PTPRT: variants seen among roughly 807,000 people sequenced by gnomAD.
PTPRT encodes protein tyrosine phosphatase receptor type T.
In PTPRT, 56 loss-of-function variants were observed where a neutral mutation model predicts 176.8. The observed-to-expected ratio is 0.32, with a 90% CI of 0.26 to 0.40. The LOEUF is 0.40. Among genes scored for constraint, PTPRT ranks in the 10% least tolerant of loss-of-function variants. The pLI, the probability that PTPRT is intolerant of heterozygous loss-of-function variation, is 1.00. For synonymous variants in PTPRT, 783 were observed against 739.0 expected (o/e 1.06, Z -0.96); for missense variants, 1,540 against 1,908.2 (o/e 0.81, Z 3.60).
intron 14 of PTPRT, among the ~76,000 whole-genome samples, 184 bp from the exon 15 acceptor site, chr20:42,236,442 A>C (rs1415674718): frequency 6.6e-6 from 1 of 152,212 alleles, no homozygotes; most frequent in Non-Finnish European, 1.5e-5. Flanking sequence ...AGAATCAGAT[A>C]TTTCCAGTGG....
chr20:43,074,775 G>A (rs1365859283), intron 1 of PTPRT, among the ~76,000 whole-genome samples: 4 of 152,224 alleles, frequency 2.6e-5, no homozygotes, highest in South Asian at 4.2e-4. Context: ...TCATTTAATC[G>A]AGTAGCTAGA....
At chr20:43,049,319 C>A (rs1363240705) in intron 1 of PTPRT, among the ~76,000 whole-genome samples, 1 of 141,962 alleles carries the variant, frequency 7.0e-6, no homozygotes, top group Non-Finnish European at 1.5e-5. Context: ...CATAAAAGGC[C>A]ATGTAAAACA....
chr20:42,740,924 C>G (rs1478933666), intron 6 of PTPRT, among the ~76,000 whole-genome samples: 1 of 152,132 alleles, frequency 6.6e-6, no homozygotes, highest in Non-Finnish European at 1.5e-5. Flanking sequence ...GCTATAAACC[C>G]CTTCCAGTAC....
At chr20:42,044,179 C>T in the PTPRT span, among the ~76,000 whole-genome samples, 9 of 152,164 alleles carry the variant, frequency 5.9e-5, no homozygotes, top group Non-Finnish European at 1.0e-4. Flanking sequence ...GCTTAGCAGC[C>T]CAGATGAAGC....
At chr20:42,986,629 C>T (rs1983594162) in intron 1 of PTPRT, among the ~76,000 whole-genome samples, 1 of 152,106 alleles carries the variant, frequency 6.6e-6, no homozygotes, top group Non-Finnish European at 1.5e-5. Flanking sequence ...GTGACTGTGA[C>T]AAAGAAAGCG....
intron 9 of PTPRT, among the ~76,000 whole-genome samples, chr20:42,366,770 T>C (rs1195863138): frequency 9.3e-6 from 1 of 107,868 alleles, no homozygotes; most frequent in African/African-American, 3.1e-5. Context: ...ACACGGCACA[T>C]GTGAGGAAGC....
rs143087677 is a variant in PTPRT at position 42,261,794 on chromosome 20, T to C, written c.2177-12972A>G. 2.3e-3 allele frequency among the ~76,000 whole-genome samples: 353 copies of C among 152,258 alleles called. 2 individuals carry two copies. The highest frequency in any genetic ancestry group is 7.6e-3 in the African/African-American group (316 of 41,540). Reference sequence around the variant, plus strand: ...TTCTTTCCAACCAACTCTGGCCAAATTGATCCCCTAAGGGGTGACTGTATT... The same window carrying C: ...TTCTTTCCAACCAACTCTGGCCAAACTGATCCCCTAAGGGGTGACTGTATT... On this transcript the variant is annotated intron_variant, in intron 13 of 30. Coordinates refer to ENST00000373187, the MANE Select transcript of PTPRT (RefSeq NM_007050.6).
chr20:42,832,746 A>C (rs1337188560), intron 2 of PTPRT, among the ~76,000 whole-genome samples: 1 of 151,054 alleles, frequency 6.6e-6, no homozygotes, highest in Admixed American at 6.6e-5. Flanking sequence ...AGAAAAAAAA[A>C]CAAGAAAATT....
At chr20:42,815,028 A>C (rs2077759515) in intron 2 of PTPRT, among the ~76,000 whole-genome samples, 4 of 152,210 alleles carry the variant, frequency 2.6e-5, no homozygotes, top group Admixed American at 2.6e-4. Flanking sequence ...GAACATTGAA[A>C]AAAAGATGGT....
At chr20:42,686,356 C>T (rs1003631730) in intron 6 of PTPRT, 2 of 151,698 alleles carry the variant, frequency 1.3e-5, no homozygotes, top group East Asian at 1.9e-4. Context: ...GTTTCCTTGA[C>T]CCCTAGTGGG....
At chr20:42,918,121 T>A (rs1278462812) in intron 1 of PTPRT, among the ~76,000 whole-genome samples, 1 of 152,090 alleles carries the variant, frequency 6.6e-6, no homozygotes, top group Non-Finnish European at 1.5e-5. Flanking sequence ...AAGAGCTCAC[T>A]TGGAAAATGA....
chr20:42,640,703 A>G (rs915873554), intron 7 of PTPRT, among the ~76,000 whole-genome samples: 2 of 152,140 alleles, frequency 1.3e-5, no homozygotes, highest in Non-Finnish European at 2.9e-5. Context: ...AGTATTGAAA[A>G]TAAGCATTGG....
intron 11 of PTPRT, among the ~76,000 whole-genome samples, chr20:42,344,350 G>A (rs1269568298): frequency 6.6e-6 from 1 of 152,206 alleles, no homozygotes; most frequent in African/African-American, 2.4e-5. Flanking sequence ...TATACCCAGT[G>A]GGACAATTGG....
intron 7 of PTPRT, among the ~76,000 whole-genome samples, chr20:42,579,628 G>A (rs552139764): frequency 3.6e-4 from 55 of 152,256 alleles, no homozygotes; most frequent in African/African-American, 1.1e-3. Context: ...GTATCTCATT[G>A]AGGTTTTGAT....
intron 7 of PTPRT, among the ~76,000 whole-genome samples, chr20:42,616,582 C>G (rs1368521797): frequency 5.0e-5 from 6 of 119,108 alleles, no homozygotes; most frequent in Admixed American, 8.0e-5. Flanking sequence ...ATGGAATGTT[C>G]TTCCATTTGT....
the PTPRT span, among the ~76,000 whole-genome samples, chr20:42,059,262 G>A: frequency 6.6e-6 from 1 of 152,110 alleles, no homozygotes; most frequent in African/African-American, 2.4e-5. Context: ...ACAGGGCCGT[G>A]TGTGGATGAA....
rs1600708950 is a variant in PTPRT at position 42,233,986 on chromosome 20, C to T, written c.2342+2243G>A. ...TTCCACCCCAGCACCCAGCACACAGCACTGTATAAAGTGGGCATTCAAAGA... is the reference window on the plus strand; with the variant it reads ...TTCCACCCCAGCACCCAGCACACAGTACTGTATAAAGTGGGCATTCAAAGA... On this transcript the variant is annotated intron_variant, in intron 15 of 30. Transcript: ENST00000373187. Among the ~76,000 whole-genome samples, 3 of 152,274 alleles carry T rather than the reference C, an allele frequency of 2.0e-5. No homozygotes were observed. In the South Asian group the frequency reaches 6.2e-4, roughly 32 times the overall value.
chr20:42,238,122 G>C (rs1041746036), intron 14 of PTPRT, among the ~76,000 whole-genome samples: 4 of 152,146 alleles, frequency 2.6e-5, no homozygotes, highest in African/African-American at 9.7e-5. Flanking sequence ...TTATAATTAA[G>C]AGAAAAGAGA....
intron 1 of PTPRT, among the ~76,000 whole-genome samples, chr20:42,956,814 A>G (rs2146030666): frequency 6.6e-6 from 1 of 152,304 alleles, no homozygotes; most frequent in East Asian, 1.9e-4. Context: ...CCAAGAAGTC[A>G]AGGCTTGGGG....
Sources: allele counts gnomAD v4.1 joint callset (sites outside exome capture counted in the v4.1 genomes callset), GRCh38; gene constraint gnomAD v4.1.1; transcripts MANE v1.5; gene names NCBI Gene and HGNC (gene_info 2026-07-23, HGNC 2026-07-21).